The following SLC30A7 variants were observed in gnomAD, a reference collection of about 807,000 sequenced individuals.
SLC30A7 encodes the protein zinc transporter 7.
Under a neutral mutation model 46.0 loss-of-function variants are expected in SLC30A7, and 35 were observed. That is an observed-to-expected ratio of 0.76 (90% CI 0.58 to 1.01). The LOEUF (loss-of-function observed/expected upper bound fraction) is 1.01. Among genes scored for constraint, SLC30A7 ranks in the 50% least tolerant of loss-of-function variants. The pLI, the probability that SLC30A7 is intolerant of heterozygous loss-of-function variation, is 0.00. For missense variants in SLC30A7, 464 were observed against 451.1 expected, an observed-to-expected ratio of 1.03 and a Z score of -0.26; for synonymous variants, 147 against 157.8, an observed-to-expected ratio of 0.93 and a Z score of 0.51.
At chr1:100,993,742 A>G in the SLC30A7 span, among the ~76,000 whole-genome samples, 2 of 150,740 alleles carry the variant, frequency 1.3e-5, no homozygotes, top group Non-Finnish European at 3.0e-5. Flanking sequence ...AAAGTTTGTA[A>G]AAAGGCAATT....
At chr1:100,993,964 G>A in the SLC30A7 span, among the ~76,000 whole-genome samples, 1,827 of 151,908 alleles carry the variant, frequency 0.012, 35 homozygotes, top group African/African-American at 0.042. Flanking sequence ...GGCTGGTCTC[G>A]AACTGCTGAC....
At chr1:100,954,828 A>G (rs1348814046) in intron 8 of SLC30A7, among the ~76,000 whole-genome samples, 1 of 152,110 alleles carries the variant, frequency 6.6e-6, no homozygotes, top group Non-Finnish European at 1.5e-5. Context: ...GTGACTGAAT[A>G]TTTAATTTAA....
chr1:100,910,874 A>G (rs1652037729), intron 3 of SLC30A7, among the ~76,000 whole-genome samples, 189 bp from the exon 4 acceptor site: 1 of 152,284 alleles, frequency 6.6e-6, no homozygotes, highest in South Asian at 2.1e-4. Context: ...CTTTTGAACA[A>G]TTCGTACTAA....
At chr1:100,915,042 A>ACCAT (rs1652388712) in intron 6 of SLC30A7, among the ~76,000 whole-genome samples, 1 of 150,428 alleles carries the variant, frequency 6.6e-6, no homozygotes, top group African/African-American at 2.5e-5. Context: ...CACCCATGAA[A>ACCAT]CCATCACTAT....
At chr1:100,953,008 A>G (rs1655037623) in intron 8 of SLC30A7, among the ~76,000 whole-genome samples, 1 of 152,208 alleles carries the variant, frequency 6.6e-6, no homozygotes, top group East Asian at 1.9e-4. Flanking sequence ...TGATTGGATC[A>G]TGGGTGTAGA....
chr1:100,950,503 A>C (rs1289502830), intron 8 of SLC30A7, among the ~76,000 whole-genome samples: 1 of 152,168 alleles, frequency 6.6e-6, no homozygotes, highest in Non-Finnish European at 1.5e-5. Flanking sequence ...GTTTTTGGTC[A>C]TGTCATTTGA....
At chr1:100,959,596 C>T (rs1359685896) in intron 8 of SLC30A7, among the ~76,000 whole-genome samples, 1 of 152,212 alleles carries the variant, frequency 6.6e-6, no homozygotes, top group Non-Finnish European at 1.5e-5. Flanking sequence ...AAGTATCCTT[C>T]AATTTCTTGC....
chr1:100,948,730 CT>C (rs933908419), intron 8 of SLC30A7, among the ~76,000 whole-genome samples: 45 of 152,194 alleles, frequency 3.0e-4, no homozygotes, highest in African/African-American at 1.0e-3. Context: ...TTCTTGGAGG[CT>C]TTGTTACTTT....
At chr1:100,916,536 A>C (rs144554356) in intron 6 of SLC30A7, among the ~76,000 whole-genome samples, 1 of 152,106 alleles carries the variant, frequency 6.6e-6, no homozygotes, top group South Asian at 2.1e-4. Context: ...ACAGGCATGC[A>C]GTGTGAAATA....
In SLC30A7 at chr1:100,935,542, T is replaced by G. The variant is rs565650762; in HGVS notation, c.842+13701T>G. Among the ~76,000 whole-genome samples, 29 of 152,324 alleles carry G rather than the reference T, an allele frequency of 1.9e-4. No individual in the cohort carries two copies. The East Asian group carries it at 4.8e-3, about 25-fold the overall frequency. The stretch of plus-strand genomic sequence containing the variant: ...TTATTTTTGGCTATCACCTATGCAC[T>G]GGAATAATCACTATCAAATGTGATT... On this transcript the variant is annotated intron_variant, in intron 8 of 10. Transcript: ENST00000357650.
chr1:100,924,907 A>G (rs1463879825), intron 8 of SLC30A7, among the ~76,000 whole-genome samples: 3 of 152,222 alleles, frequency 2.0e-5, no homozygotes, highest in African/African-American at 7.2e-5. Flanking sequence ...ATCTTCACCA[A>G]ATATTTATTA....
intron 8 of SLC30A7, among the ~76,000 whole-genome samples, chr1:100,955,086 A>T (rs1403866279): frequency 6.6e-6 from 1 of 152,046 alleles, no homozygotes; most frequent in Non-Finnish European, 1.5e-5. Context: ...CTCAGATCTA[A>T]GTAATAATTT....
chr1:100,933,621 G>A (rs1034000321), intron 8 of SLC30A7, among the ~76,000 whole-genome samples: 1 of 151,990 alleles, frequency 6.6e-6, no homozygotes, highest in Non-Finnish European at 1.5e-5. Flanking sequence ...CTGTGTCCAA[G>A]TGTTCTCATT....
chr1:100,931,959 C>T (rs1448965019), intron 8 of SLC30A7, among the ~76,000 whole-genome samples: 1 of 152,148 alleles, frequency 6.6e-6, no homozygotes, highest in African/African-American at 2.4e-5. Flanking sequence ...CTAACCCTAC[C>T]ATTTTTGTTG....
In SLC30A7 at chr1:100,913,678, A is replaced by G. The variant is rs755776984; in HGVS notation, c.527A>G (p.His176Arg). Reference protein sequence around the residue: ...HSHGSGHGHSHSLFNGALDQA... With the variant: ...HSHGSGHGHSRSLFNGALDQA... The stretch of plus-strand genomic sequence containing the variant: ...TGTTTTCTAGGCCACGGACACAGTC[A>G]TTCCCTCTTTAATGGTGCTCTAGAT... The change falls in exon 6 of 11, where the codon CAT becomes CGT. Residue 176 changes from histidine to arginine, a missense_variant. Physicochemically the swap from His to Arg is conservative, Grantham distance 29. Transcript: ENST00000357650. 20 of 1,613,754 alleles carry G rather than the reference A, an allele frequency of 1.2e-5. No homozygotes were observed. The highest frequency in any genetic ancestry group is 1.7e-5 in the Non-Finnish European group (20 of 1,179,790).
intron 8 of SLC30A7, among the ~76,000 whole-genome samples, chr1:100,961,247 C>T (rs1319505817): frequency 6.6e-6 from 1 of 152,068 alleles, no homozygotes; most frequent in Non-Finnish European, 1.5e-5. Context: ...AGGCATGAGC[C>T]ACCGCGCCCG....
At chr1:100,915,646 A>G (rs1652494962) in intron 6 of SLC30A7, among the ~76,000 whole-genome samples, 1 of 152,182 alleles carries the variant, frequency 6.6e-6, no homozygotes. Flanking sequence ...ATTCCGTTGT[A>G]TGTATATACC....
At chr1:100,992,100 A>ATC in the SLC30A7 span, among the ~76,000 whole-genome samples, 1 of 150,610 alleles carries the variant, frequency 6.6e-6, no homozygotes. Context: ...CCTCTCTCAA[A>ATC]AAAAAAAAAA....
At chr1:100,912,063 C>G (rs985330258) in intron 4 of SLC30A7, 49 bp from the exon 5 acceptor site, 18 of 1,523,482 alleles carry the variant, frequency 1.2e-5, no homozygotes, top group Non-Finnish European at 1.6e-5. Context: ...GTTAGTTGAT[C>G]AATCAGAAAT....
Sources: allele counts gnomAD v4.1 joint callset (sites outside exome capture counted in the v4.1 genomes callset), GRCh38; gene constraint gnomAD v4.1.1; transcripts MANE v1.5; gene names NCBI Gene and HGNC (gene_info 2026-07-23, HGNC 2026-07-21).